CLCN6: variants seen among roughly 807,000 people sequenced by gnomAD.
CLCN6 encodes the protein Cl-/H+ antiporter 6.
CLCN6 carries 70 observed loss-of-function variants against 109.8 expected under a neutral mutation model. The observed-to-expected ratio is 0.64, with a 90% CI of 0.53 to 0.78. The LOEUF (loss-of-function observed/expected upper bound fraction) is 0.78. Ranked by LOEUF, CLCN6 falls within the 30% of genes least tolerant of loss-of-function variation. CLCN6 has a pLI of 0.00. For missense variants in CLCN6, 984 were observed against 1,142.3 expected (o/e 0.86, Z 2.00); for synonymous variants, 444 against 447.8 (o/e 0.99, Z 0.11).
At chr1:11,824,120 T>A (rs1644781612) in intron 7 of CLCN6, among the ~76,000 whole-genome samples, 2 of 152,236 alleles carry the variant, frequency 1.3e-5, no homozygotes, top group African/African-American at 4.8e-5. Flanking sequence ...AGTAAATATT[T>A]AAGGCTTTGT....
At position 11,841,540 on chromosome 1, in the gene CLCN6, C is replaced by T. The variant is rs1244694059; in HGVS notation, c.*1317C>T. 1 of 152,292 alleles carries T rather than the reference C, an allele frequency of 6.6e-6. No individual in the cohort carries two copies. Among genetic ancestry groups the T allele is most frequent in the Non-Finnish European group, 1.5e-5 (1 of 68,062 alleles). The allele number at this position is 152,292 out of a possible 1,614,324, so 9.4% of individuals were successfully genotyped here. A position where few individuals can be genotyped will look rare whatever the true frequency, so the allele number is the denominator to read the frequency against. On this transcript the variant is annotated 3_prime_UTR_variant, in exon 23 of 23. Coordinates refer to ENST00000346436, the MANE Select transcript of CLCN6 (RefSeq NM_001286.5). ...CCCCACCTTCTACATGGTATTAGTC[C>T]CAGCAGGCATCCCTGGGGCAGACGT...
chr1:11,838,904 C>CTG, intron 22 of CLCN6: 1 of 720,450 alleles, frequency 1.4e-6, no homozygotes. Flanking sequence ...CTCTACCAGG[C>CTG]TGTGTCTTCC....
At chr1:11,838,977 A>G (rs937897250) in intron 22 of CLCN6, 8 of 693,264 alleles carry the variant, frequency 1.2e-5, no homozygotes, top group Middle Eastern at 2.3e-4. Context: ...CTGCGTAGGG[A>G]TTTGCGCATT....
intron 2 of CLCN6, among the ~76,000 whole-genome samples, chr1:11,814,160 A>G (rs1332363695): frequency 6.6e-6 from 1 of 151,868 alleles, no homozygotes; most frequent in African/African-American, 2.4e-5. Context: ...CACCCAGCCA[A>G]TGTCCAGCTG....
At chr1:11,815,047 AAAAG>A (rs1278025617) in intron 2 of CLCN6, among the ~76,000 whole-genome samples, 1 of 152,100 alleles carries the variant, frequency 6.6e-6, no homozygotes, top group Non-Finnish European at 1.5e-5. Context: ...AAAAAAAAAA[AAAAG>A]TGGAAGTTGC....
intron 2 of CLCN6, among the ~76,000 whole-genome samples, chr1:11,807,805 C>T (rs1352105206): frequency 6.6e-6 from 1 of 152,192 alleles, no homozygotes; most frequent in East Asian, 1.9e-4. Flanking sequence ...TACTAAGTAT[C>T]TTTCTACATC....
At chr1:11,824,273 C>T (rs1644783414) in intron 7 of CLCN6, among the ~76,000 whole-genome samples, 1 of 152,210 alleles carries the variant, frequency 6.6e-6, no homozygotes, top group South Asian at 2.1e-4. Flanking sequence ...CACAGGCTCT[C>T]ATTTGCTGAC....
At position 11,842,463 on chromosome 1, in the gene CLCN6, C is replaced by T. The variant is rs1447961435; in HGVS notation, c.*2240C>T. On this transcript the variant is annotated 3_prime_UTR_variant, in exon 23 of 23. Coordinates refer to ENST00000346436, the MANE Select transcript of CLCN6 (RefSeq NM_001286.5). ...TTCCAGATAAGCCCAAAGACAGCAA[C>T]TTCTCCACTCATGACAAATCAACTG... The T allele has an allele frequency of 6.5e-6, 1 of 152,720 alleles. No individual in the cohort carries two copies. Among genetic ancestry groups the T allele is most frequent in the African/African-American group, 2.4e-5 (1 of 41,474 alleles). 9.5% of individuals were successfully genotyped at this position (152,720 alleles called of 1,614,324 possible).
In CLCN6 at chr1:11,837,408, G is replaced by A. The variant is rs925525662; in HGVS notation, c.2204G>A (p.Arg735Gln). Residue 735 changes from arginine to glutamine, a missense_variant, in exon 20 of 23, where the codon CGG becomes CAG. Physicochemically the swap from Arg to Gln is conservative, Grantham distance 43 (BLOSUM62 1). Coordinates refer to ENST00000346436, the MANE Select transcript of CLCN6 (RefSeq NM_001286.5). Reference protein sequence around the residue: ...SPSEDWTMEERFRPLTFHGLI... With the variant: ...SPSEDWTMEEQFRPLTFHGLI... ...AGTGAAGACTGGACCATGGAGGAGC[G>A]GTTCCGCCCTCTGACCTTCCACGGC... is the stretch of plus-strand genomic sequence containing the variant. The A allele has an allele frequency of 1.2e-5, 20 of 1,614,036 alleles. No individual in the cohort carries two copies. Among genetic ancestry groups the A allele is most frequent in the Middle Eastern group, 3.3e-4 (2 of 6,084 alleles).
At chr1:11,820,264 G>A (rs1022918489) in intron 5 of CLCN6, 1 of 652,676 alleles carries the variant, frequency 1.5e-6, no homozygotes, top group South Asian at 1.7e-5. Flanking sequence ...ACTGTGCCTG[G>A]GCAGCATAGC....
At chr1:11,830,768 C>T (rs866152767) in intron 13 of CLCN6, among the ~76,000 whole-genome samples, 3 of 134,552 alleles carry the variant, frequency 2.2e-5, no homozygotes, top group African/African-American at 9.5e-5. Flanking sequence ...TATATATACA[C>T]ACACACACTA....
intron 20 of CLCN6, 61 bp downstream of exon 20, chr1:11,837,560 C>A: frequency 6.5e-7 from 1 of 1,546,618 alleles, no homozygotes; most frequent in Non-Finnish European, 8.9e-7. Flanking sequence ...AGGGGTTGGG[C>A]GCTGCCGGCG....
At chr1:11,833,787 A>T in intron 14 of CLCN6, 90 bp from the exon 15 acceptor site, 1 of 1,558,680 alleles carries the variant, frequency 6.4e-7, no homozygotes, top group Admixed American at 1.9e-5. Flanking sequence ...TTGGAAGGGG[A>T]ACTGGTATGG....
chr1:11,828,769 C>T, intron 12 of CLCN6, 145 bp downstream of exon 12: 1 of 913,614 alleles, frequency 1.1e-6, no homozygotes, highest in Non-Finnish European at 1.6e-6. Context: ...GGCCATGCAT[C>T]TTCCCTACTT....
At chr1:11,818,089 C>T (rs1475593194) in intron 4 of CLCN6, among the ~76,000 whole-genome samples, 3 of 151,578 alleles carry the variant, frequency 2.0e-5, no homozygotes, top group African/African-American at 7.3e-5. Context: ...TAGGGAGACC[C>T]TGTCTCCTTA....
At chr1:11,821,780 G>A (rs1644747023) in intron 5 of CLCN6, among the ~76,000 whole-genome samples, 1 of 152,166 alleles carries the variant, frequency 6.6e-6, no homozygotes, top group Non-Finnish European at 1.5e-5. Context: ...CTTTATGATA[G>A]CAAAAAGCTG....
At chr1:11,836,190 G>A (rs1403941311) in intron 18 of CLCN6, 37 bp downstream of exon 18, 2 of 1,586,134 alleles carry the variant, frequency 1.3e-6, no homozygotes, top group Non-Finnish European at 1.7e-6. Context: ...GCAGGTGAGA[G>A]ACAAGCGGTC....
At chr1:11,836,288 T>C (rs198402) in intron 18 of CLCN6, 135 bp downstream of exon 18, 98,697 of 731,478 alleles carry the variant, frequency 0.13, 7,990 homozygotes, top group African/African-American at 0.28. Context: ...TCTCATCACA[T>C]GCGACAGGGA....
At chr1:11,840,026 T>C (rs1032184486) in intron 22 of CLCN6, 117 bp from the exon 23 acceptor site, 11 of 825,746 alleles carry the variant, frequency 1.3e-5, no homozygotes, top group East Asian at 9.7e-5. Context: ...TGTGTCTGGC[T>C]GTGCACTATC....
Sources: allele counts gnomAD v4.1 joint callset (sites outside exome capture counted in the v4.1 genomes callset), GRCh38; gene constraint gnomAD v4.1.1; transcripts MANE v1.5; gene names NCBI Gene and HGNC (gene_info 2026-07-23, HGNC 2026-07-21).